Variants in RPS6KA6 observed in about 807,000 individuals in gnomAD.
RPS6KA6 encodes the protein ribosomal protein S6 kinase A6.
In RPS6KA6, 27 loss-of-function variants were observed where a neutral mutation model predicts 65.4. That is an observed-to-expected ratio of 0.41 (90% CI 0.30 to 0.57). The LOEUF (loss-of-function observed/expected upper bound fraction) is 0.57, where lower values mean the gene tolerates loss of function less well. Among genes scored for constraint, RPS6KA6 ranks in the 20% least tolerant of loss-of-function variants. RPS6KA6 has a pLI of 0.24. For synonymous variants in RPS6KA6, 190 were observed against 184.2 expected, an observed-to-expected ratio of 1.03 and a Z score of -0.26; for missense variants, 486 against 555.6, an observed-to-expected ratio of 0.87 and a Z score of 1.26.
intron 3 of RPS6KA6, among the ~76,000 whole-genome samples, chrX:84,151,118 T>C (rs1244627289): frequency 1.0e-5 from 1 of 98,551 alleles, no homozygotes; most frequent in African/African-American, 3.7e-5. Context: ...TAGATATATA[T>C]AGGATATATA....
At chrX:84,160,746 C>G (rs2035497841) in intron 2 of RPS6KA6, among the ~76,000 whole-genome samples, 1 of 110,552 alleles carries the variant, frequency 9.0e-6, no homozygotes, top group Non-Finnish European at 1.9e-5. Context: ...CTCGATATAC[C>G]CTTCTCATTC....
intron 12 of RPS6KA6, among the ~76,000 whole-genome samples, chrX:84,115,360 A>G (rs1484695529): frequency 8.9e-6 from 1 of 112,106 alleles, no homozygotes; most frequent in Non-Finnish European, 1.9e-5. Context: ...AAAATGCTCA[A>G]TATCACTAAT....
intron 20 of RPS6KA6, among the ~76,000 whole-genome samples, chrX:84,082,752 T>C (rs1344192522): frequency 9.0e-6 from 1 of 111,336 alleles, no homozygotes; most frequent in African/African-American, 3.3e-5. Context: ...AACAGATATA[T>C]AGGCCAACGA....
intron 8 of RPS6KA6, among the ~76,000 whole-genome samples, chrX:84,129,904 A>C (rs1281974541): frequency 9.0e-6 from 1 of 111,266 alleles, no homozygotes; most frequent in Non-Finnish European, 1.9e-5. Flanking sequence ...AAAAATAGTT[A>C]GAATAAATAA....
chrX:84,173,775 C>T (rs901926509), intron 1 of RPS6KA6, among the ~76,000 whole-genome samples: 29 of 111,668 alleles, frequency 2.6e-4, no homozygotes, highest in Middle Eastern at 4.6e-3. Context: ...ATCCTCCTGC[C>T]CCAGCTTCCC....
intron 20 of RPS6KA6, among the ~76,000 whole-genome samples, chrX:84,071,087 G>C (rs952846830): frequency 9.0e-6 from 1 of 111,481 alleles, no homozygotes; most frequent in Non-Finnish European, 1.9e-5. Context: ...GGGAAACTCA[G>C]GTGAAGCCTT....
intron 8 of RPS6KA6, among the ~76,000 whole-genome samples, chrX:84,121,818 C>A (rs1457417940): frequency 8.9e-6 from 1 of 112,114 alleles, no homozygotes; most frequent in Non-Finnish European, 1.9e-5. Flanking sequence ...AATAGAAATT[C>A]TTTGTGATCT....
intron 20 of RPS6KA6, among the ~76,000 whole-genome samples, chrX:84,091,966 G>C (rs1602396056): frequency 9.0e-6 from 1 of 111,465 alleles, no homozygotes; most frequent in Non-Finnish European, 1.9e-5. Context: ...TCACTCATAA[G>C]TGGGAGCTGA....
Position 84,187,969 on chromosome X carries a change from A to C in RPS6KA6, c.-70T>G. 2 of 877,862 alleles carry C rather than the reference A, an allele frequency of 2.3e-6. No individual in the cohort carries two copies. Among genetic ancestry groups the C allele is most frequent in the South Asian group, 2.9e-5 (1 of 34,910 alleles). 72.3% of individuals were successfully genotyped at this position (877,862 alleles called of 1,213,427 possible). On this transcript the variant is annotated 5_prime_UTR_variant, in exon 1 of 22. Transcript: ENST00000262752. ...GCGCGGCCGCGCATCCTGTCTATTG[A>C]ACTGGCCCGCCGCCGCCGCCGCCGC...
At chrX:84,073,671 A>G (rs1418349716) in intron 20 of RPS6KA6, among the ~76,000 whole-genome samples, 1 of 111,867 alleles carries the variant, frequency 8.9e-6, no homozygotes, top group Non-Finnish European at 1.9e-5. Context: ...CATTCAAACA[A>G]CATAATAGCA....
chrX:84,182,061 TCTCACACACA>T (rs778332910), intron 1 of RPS6KA6, among the ~76,000 whole-genome samples: 3 of 77,476 alleles, frequency 3.9e-5, no homozygotes, highest in Admixed American at 1.4e-4. Flanking sequence ...TCTCTCTCTC[TCTCACACACA>T]CACACACACA....
chrX:84,088,512 C>G (rs2033976501), intron 20 of RPS6KA6, among the ~76,000 whole-genome samples: 1 of 111,690 alleles, frequency 9.0e-6, no homozygotes, highest in African/African-American at 3.3e-5. Flanking sequence ...GAGTTCTGTC[C>G]CAGGGGGATA....
intron 20 of RPS6KA6, among the ~76,000 whole-genome samples, chrX:84,095,732 T>C (rs1303464914): frequency 8.9e-6 from 1 of 111,999 alleles, no homozygotes; most frequent in African/African-American, 3.2e-5. Context: ...ATATTTCTAC[T>C]GGACCACTCT....
At chrX:84,084,500 G>A (rs928090566) in intron 20 of RPS6KA6, among the ~76,000 whole-genome samples, 1 of 111,815 alleles carries the variant, frequency 8.9e-6, no homozygotes, top group African/African-American at 3.3e-5. Flanking sequence ...TCTCAGGTTT[G>A]TCAAAGATCA....
intron 1 of RPS6KA6, among the ~76,000 whole-genome samples, chrX:84,178,296 G>A (rs2035798858): frequency 9.0e-6 from 1 of 111,225 alleles, no homozygotes; most frequent in South Asian, 3.8e-4. Flanking sequence ...TAGGGGTAAT[G>A]TACAAATATG....
chrX:84,102,141 C>T lies in RPS6KA6; in HGVS notation c.1672G>A (p.Ala558Thr). The T allele has an allele frequency of 8.5e-7, 1 of 1,183,365 alleles. No individual in the cohort carries two copies. Among genetic ancestry groups the T allele is most frequent in the African/African-American group, 1.8e-5 (1 of 56,804 alleles). The change falls in exon 18 of 22, where the codon GCA becomes ACA. Residue 558 changes from alanine to threonine, a missense_variant. Coordinates refer to ENST00000262752, the MANE Select transcript of RPS6KA6 (RefSeq NM_014496.5). ...AAATCACATATCCTGATTGAATCTG[C>T]ACTGGCTGATTCATCCATGTATAAA... ...NILYMDESAS[A>T]DSIRICDFGF...
In RPS6KA6 at chrX:84,167,533, G is replaced by T. The variant is rs924754816; in HGVS notation, c.82-3146C>A. Among the ~76,000 whole-genome samples the T allele has an allele frequency of 6.3e-5, 7 of 111,182 alleles. No individual in the cohort carries two copies. In the Admixed American group the frequency reaches 6.7e-4, roughly 11 times the overall value. The stretch of plus-strand genomic sequence containing the variant: ...TAAAGATAATTGGTTCAACGGGTTG[G>T]GGGTAGAGGAAGACGAGTATCACTC... On this transcript the variant is annotated intron_variant, in intron 1 of 21. Transcript: ENST00000262752.
At chrX:84,092,352 C>T (rs911077059) in intron 20 of RPS6KA6, among the ~76,000 whole-genome samples, 1 of 110,645 alleles carries the variant, frequency 9.0e-6, no homozygotes, top group African/African-American at 3.3e-5. Context: ...GGCTGGGCAC[C>T]ATGGCTCAAG....
intron 8 of RPS6KA6, among the ~76,000 whole-genome samples, chrX:84,125,741 C>T (rs1225824497): frequency 9.0e-6 from 1 of 110,593 alleles, no homozygotes; most frequent in Non-Finnish European, 1.9e-5. Context: ...GTAGTCCCAG[C>T]TACTTGGGAG....
Sources: gnomAD v4.1 joint callset for allele counts (sites outside exome capture counted in the v4.1 genomes callset) on GRCh38, gnomAD v4.1.1 for gene constraint, MANE v1.5 for transcripts, NCBI Gene and HGNC (gene_info 2026-07-23, HGNC 2026-07-21) for gene names.